Variants in DAAM1 observed in about 807,000 individuals in gnomAD.
The protein encoded by DAAM1 is disheveled-associated activator of morphogenesis 1.
DAAM1 carries 52 observed loss-of-function variants against 130.0 expected under a neutral mutation model. The observed-to-expected ratio is 0.40, with a 90% CI of 0.32 to 0.50. The LOEUF is 0.50. DAAM1 is among the 20% of genes least tolerant of loss of function. The probability of loss-of-function intolerance (pLI) is 0.61; values close to 1 mark genes in which losing one functional copy is unlikely to be tolerated. For synonymous variants in DAAM1, 452 were observed against 444.5 expected (o/e 1.02, Z -0.21); for missense variants, 1,134 against 1,303.8 (o/e 0.87, Z 2.01).
chr14:59,317,238 A>G (rs1390843597), intron 4 of DAAM1, among the ~76,000 whole-genome samples: 2 of 152,254 alleles, frequency 1.3e-5, no homozygotes, highest in Non-Finnish European at 2.9e-5. Flanking sequence ...GGACTGAGCC[A>G]ACATCTTTCC....
At position 59,215,475 on chromosome 14, in the gene DAAM1, G is replaced by T. The variant is rs561645144; in HGVS notation, c.-38+26707G>T. On this transcript the variant is annotated intron_variant, in intron 1 of 24. Coordinates refer to ENST00000360909, the MANE Select transcript of DAAM1 (RefSeq NM_001270520.2). ...GGAAAAGAAGTGGTGGCTGGATGCT[G>T]GTCAGCTGGCTTGGGCTGTTGGCAA... Among the ~76,000 whole-genome samples the T allele has an allele frequency of 9.2e-5, 14 of 152,344 alleles. No individual in the cohort carries two copies. The South Asian group carries it at 2.1e-3, about 23-fold the overall frequency.
At chr14:59,216,912 A>G (rs1399800342) in intron 1 of DAAM1, among the ~76,000 whole-genome samples, 1 of 75,892 alleles carries the variant, frequency 1.3e-5, no homozygotes, top group Non-Finnish European at 2.8e-5. Context: ...GTGTATGTCT[A>G]TATAGTTTTT....
intron 3 of DAAM1, among the ~76,000 whole-genome samples, chr14:59,304,010 C>T (rs780696989): frequency 6.6e-6 from 1 of 152,188 alleles, no homozygotes; most frequent in Non-Finnish European, 1.5e-5. Context: ...CTTGAAAGCT[C>T]CTCTTACCAC....
chr14:59,291,347 C>A, intron 3 of DAAM1, 41 bp downstream of exon 3: 1 of 1,454,718 alleles, frequency 6.9e-7, no homozygotes, highest in Non-Finnish European at 9.5e-7. Flanking sequence ...GGAAAATAAT[C>A]ATTGATTCCA....
chr14:59,299,473 A>G (rs1178215586), intron 3 of DAAM1, among the ~76,000 whole-genome samples: 1 of 152,192 alleles, frequency 6.6e-6, no homozygotes, highest in African/African-American at 2.4e-5. Context: ...CAATGGTAAC[A>G]ATGGTGACTA....
At chr14:59,326,906 A>C (rs767273947) in intron 11 of DAAM1, 27 bp from the exon 12 acceptor site, 1 of 1,612,734 alleles carries the variant, frequency 6.2e-7, no homozygotes, top group South Asian at 1.1e-5. Context: ...ATTTTTTGTA[A>C]TAAATGCTCC....
intron 12 of DAAM1, among the ~76,000 whole-genome samples, chr14:59,330,194 CAA>C (rs1335783778): frequency 6.6e-6 from 1 of 152,150 alleles, no homozygotes; most frequent in Non-Finnish European, 1.5e-5. Context: ...AATCAACTAC[CAA>C]ACAGTTACCA....
chr14:59,300,080 T>C (rs1884110406), intron 3 of DAAM1: 1 of 152,164 alleles, frequency 6.6e-6, no homozygotes, highest in Admixed American at 6.5e-5. Context: ...CTAGAAAAGG[T>C]AGGTGGTTGA....
chr14:59,341,325 A>C (rs1295258095), intron 16 of DAAM1, among the ~76,000 whole-genome samples: 6 of 152,170 alleles, frequency 3.9e-5, no homozygotes, highest in Non-Finnish European at 8.8e-5. Context: ...GCTCAGGTTA[A>C]ATAAAATATC....
At chr14:59,301,629 A>G (rs1425169136) in intron 3 of DAAM1, among the ~76,000 whole-genome samples, 1 of 152,182 alleles carries the variant, frequency 6.6e-6, no homozygotes, top group African/African-American at 2.4e-5. Flanking sequence ...GCACATCTGC[A>G]CAAGCGAGCA....
chr14:59,331,491 T>G lies in DAAM1; in HGVS notation c.1843T>G (p.Trp615Gly). The change falls in exon 14 of 25, where the codon TGG becomes GGG. Residue 615 changes from tryptophan (W) to glycine (G), a missense_variant. This residue lies in a region of DAAM1 where 644 missense variants were observed against 695.9 expected (regional missense o/e 0.93). Transcript: ENST00000360909. ...QPTNALKSFN[W>G]SKLPENKLEG... is the part of the protein sequence containing the mutation. The stretch of plus-strand genomic sequence containing the variant: ...CACAAATGCCCTGAAATCCTTCAAC[T>G]GGTCTAAACTGCCCGAGGTGAGCCA... The G allele has an allele frequency of 6.3e-7, 1 of 1,599,306 alleles. No homozygotes were observed. The highest frequency in any genetic ancestry group is 8.5e-7 in the Non-Finnish European group (1 of 1,170,392).
rs572231792 is a variant in DAAM1, at chr14:59,295,145, T to A, written c.273+3839T>A. Among the ~76,000 whole-genome samples, 157 of 152,310 alleles carry A rather than the reference T, an allele frequency of 1.0e-3. 1 individual carries two copies. Among genetic ancestry groups the A allele is most frequent in the African/African-American group, 3.7e-3 (152 of 41,588 alleles). ...ATTTGAGGCAAAGATCAGGATTTGA[T>A]GATTGTGCCTAATTTTTCCTGCTTA... On this transcript the variant is annotated intron_variant, in intron 3 of 24. Coordinates refer to ENST00000360909, the MANE Select transcript of DAAM1 (RefSeq NM_001270520.2).
At position 59,326,981 on chromosome 14, in the gene DAAM1, A is replaced by G. The variant is rs755433273; in HGVS notation, c.1362A>G (p.Lys454=). The G allele has an allele frequency of 5.6e-6, 9 of 1,613,998 alleles. No homozygotes were observed. Among genetic ancestry groups the G allele is most frequent in the Non-Finnish European group, 7.6e-6 (9 of 1,179,940 alleles). Residue 454 remains lysine (K), a synonymous_variant, in exon 12 of 25, where the codon AAA becomes AAG. Transcript: ENST00000360909. ...EVKQWKEQAE[K]MRKEHNELQQ... The stretch of plus-strand genomic sequence containing the variant: ...AGCAGTGGAAAGAACAAGCGGAAAA[A>G]ATGAGAAAAGGTAAATAATGAGGCC...
At chr14:59,212,799 G>T (rs1888465280) in intron 1 of DAAM1, among the ~76,000 whole-genome samples, 1 of 152,070 alleles carries the variant, frequency 6.6e-6, no homozygotes, top group Non-Finnish European at 1.5e-5. Flanking sequence ...ATTTCAGATG[G>T]AATATTGTTT....
chr14:59,269,985 C>G (rs1193362001), intron 2 of DAAM1, among the ~76,000 whole-genome samples: 1 of 152,168 alleles, frequency 6.6e-6, no homozygotes, highest in Non-Finnish European at 1.5e-5. Flanking sequence ...ATATCAAATT[C>G]TTCCTAGAAC....
chr14:59,358,224 G>C (rs1886558479), intron 20 of DAAM1, among the ~76,000 whole-genome samples: 1 of 152,202 alleles, frequency 6.6e-6, no homozygotes, highest in Non-Finnish European at 1.5e-5. Flanking sequence ...CTGGAGTCCA[G>C]GTGATTGTAA....
intron 1 of DAAM1, among the ~76,000 whole-genome samples, chr14:59,233,160 G>A (rs1390682240): frequency 2.0e-5 from 3 of 152,142 alleles, no homozygotes; most frequent in African/African-American, 7.2e-5. Flanking sequence ...ACCCATTAAC[G>A]GGATTGCTGG....
chr14:59,284,232 C>T (rs1421033817), intron 2 of DAAM1, among the ~76,000 whole-genome samples: 9 of 151,828 alleles, frequency 5.9e-5, no homozygotes, highest in Non-Finnish European at 1.0e-4. Context: ...CATAAGTGTT[C>T]GTGGTTTCAG....
In DAAM1 at chr14:59,368,785, C is replaced by T. The variant is rs1427319611; in HGVS notation, c.3133C>T (p.Arg1045Trp). Reference protein sequence around the residue: ...VFDKDLSKLKRNRKRITNQMT... With the variant: ...VFDKDLSKLKWNRKRITNQMT... The stretch of plus-strand genomic sequence containing the variant: ...TGACAAAGACCTTTCTAAATTGAAA[C>T]GGAATCGCAAACGTATTACCAACCA... Residue 1045 changes from arginine (R) to tryptophan (W), a missense_variant, in exon 25 of 25, where the codon CGG becomes TGG. Physicochemically the swap from Arg to Trp is moderately radical, Grantham distance 101. Coordinates refer to ENST00000360909, the MANE Select transcript of DAAM1 (RefSeq NM_001270520.2). The T allele has an allele frequency of 9.9e-6, 16 of 1,613,838 alleles. No homozygotes were observed. Among genetic ancestry groups the T allele is most frequent in the South Asian group, 2.2e-5 (2 of 91,080 alleles).
Sources: gnomAD v4.1 joint callset for allele counts (sites outside exome capture counted in the v4.1 genomes callset) on GRCh38, gnomAD v4.1.1 for gene constraint, gnomAD v4.1.1 regional missense constraint, MANE v1.5 for transcripts, NCBI Gene and HGNC (gene_info 2026-07-23, HGNC 2026-07-21) for gene names.